Variants in NDFIP2 observed in about 807,000 individuals in gnomAD.
NDFIP2 encodes the protein NEDD4 family-interacting protein 2.
A neutral mutation model predicts 36.0 loss-of-function variants in NDFIP2; 19 were observed. The ratio of observed to expected loss-of-function variants is 0.53; its 90% CI spans 0.37 to 0.77. The LOEUF is 0.77. NDFIP2 is among the 30% of genes least tolerant of loss of function. The probability of loss-of-function intolerance (pLI) is 0.00; values close to 1 mark genes in which losing one functional copy is unlikely to be tolerated. For synonymous variants in NDFIP2, 181 were observed against 167.7 expected, an observed-to-expected ratio of 1.08 and a Z score of -0.61; for missense variants, 446 against 435.8, an observed-to-expected ratio of 1.02 and a Z score of -0.21.
Position 79,533,788 on chromosome 13 carries a change from AGGCTT to A in NDFIP2, c.621+333_621+337del, listed in dbSNP as rs1451228742. On this transcript the variant is annotated intron_variant, in intron 3 of 7. Transcript: ENST00000218652. ...TTATCGACTGTTTATGTTATCAGTA[AGGCTT>A]CTAGTTAACAATAGGCTGTGAGTCG... Among the ~76,000 whole-genome samples, 27 of 152,274 alleles carry A rather than the reference AGGCTT, an allele frequency of 1.8e-4. No homozygotes were observed. In the South Asian group the frequency reaches 5.6e-3, roughly 32 times the overall value.
chr13:79,550,498 C>T (rs894782779), intron 6 of NDFIP2, among the ~76,000 whole-genome samples: 1 of 151,540 alleles, frequency 6.6e-6, no homozygotes, highest in Non-Finnish European at 1.5e-5. Context: ...ACATAATGCA[C>T]GTATCTTCAA....
chr13:79,533,350 C>G lies in NDFIP2; in HGVS notation c.515C>G (p.Pro172Arg). The stretch of plus-strand genomic sequence containing the variant: ...ACAGAAGTTTACGGTGAGTTTTATC[C>G]CGTGCCACCTCCCTATAGCGTTGCT... ...SDTEVYGEFYPVPPPYSVATS... is the reference protein window; with the variant it reads ...SDTEVYGEFYRVPPPYSVATS... Residue 172 changes from proline (P) to arginine (R), a missense_variant, in exon 3 of 8, where the codon CCC becomes CGC. Physicochemically the swap from Pro to Arg is moderately radical, Grantham distance 103 (BLOSUM62 -2). Around this residue, in one of 2 missense-constraint regions of NDFIP2, gnomAD observed 369 missense variants for 304.8 expected, o/e 1.21. Coordinates refer to ENST00000218652, the MANE Select transcript of NDFIP2 (RefSeq NM_019080.3). 6.2e-7 allele frequency: 1 copy of G among 1,605,558 alleles called. No individual in the cohort carries two copies. The highest frequency in any genetic ancestry group is 8.5e-7 in the Non-Finnish European group (1 of 1,175,672).
chr13:79,536,143 T>C (rs1175335534), intron 3 of NDFIP2, among the ~76,000 whole-genome samples: 3 of 152,230 alleles, frequency 2.0e-5, no homozygotes, highest in Non-Finnish European at 4.4e-5. Context: ...TGACAACTCA[T>C]TGTTAATATT....
chr13:79,550,300 G>T (rs1875854322), intron 6 of NDFIP2, among the ~76,000 whole-genome samples: 1 of 151,682 alleles, frequency 6.6e-6, no homozygotes, highest in Non-Finnish European at 1.5e-5. Context: ...AAATATATTT[G>T]TGGTTGTTAT....
At chr13:79,528,517 G>A (rs1366763784) in intron 2 of NDFIP2, among the ~76,000 whole-genome samples, 1 of 152,178 alleles carries the variant, frequency 6.6e-6, no homozygotes, top group Admixed American at 6.5e-5. Context: ...GTAGTGTACA[G>A]TAATGTCCTA....
At chr13:79,509,684 T>TAG (rs1221392541) in intron 1 of NDFIP2, among the ~76,000 whole-genome samples, 12 of 73,932 alleles carry the variant, frequency 1.6e-4, no homozygotes, top group Admixed American at 4.8e-4. Context: ...TCGATATATA[T>TAG]ATATATAGAG....
chr13:79,526,357 G>A (rs2137092825), intron 2 of NDFIP2, among the ~76,000 whole-genome samples: 2 of 152,284 alleles, frequency 1.3e-5, no homozygotes, highest in Admixed American at 1.3e-4. Flanking sequence ...CATCAAATAA[G>A]CCTGAAATTC....
At chr13:79,527,148 A>T (rs1429115380) in intron 2 of NDFIP2, among the ~76,000 whole-genome samples, 2 of 152,240 alleles carry the variant, frequency 1.3e-5, no homozygotes, top group Non-Finnish European at 2.9e-5. Flanking sequence ...AAGCAAAGAC[A>T]GCAAGTGACT....
At chr13:79,502,278 T>C (rs1873695932) in intron 1 of NDFIP2, among the ~76,000 whole-genome samples, 1 of 152,166 alleles carries the variant, frequency 6.6e-6, no homozygotes, top group African/African-American at 2.4e-5. Flanking sequence ...CTTCTAAAAA[T>C]ATGTGAAATT....
chr13:79,529,461 T>TAA (rs1874927074), intron 2 of NDFIP2, among the ~76,000 whole-genome samples: 2 of 152,206 alleles, frequency 1.3e-5, no homozygotes, highest in Non-Finnish European at 2.9e-5. Flanking sequence ...GTTTTAATGT[T>TAA]ACTGCCTTAA....
intron 2 of NDFIP2, among the ~76,000 whole-genome samples, chr13:79,522,998 A>G (rs182348946): frequency 7.3e-4 from 111 of 152,304 alleles, no homozygotes; most frequent in Non-Finnish European, 1.2e-3. Context: ...CCTTCCCCGT[A>G]GCACCAAACC....
intron 4 of NDFIP2, among the ~76,000 whole-genome samples, chr13:79,542,791 A>G (rs1410304464): frequency 6.6e-6 from 1 of 152,174 alleles, no homozygotes; most frequent in Non-Finnish European, 1.5e-5. Context: ...AAATTCAGAA[A>G]AGGAACATCT....
At chr13:79,489,560 C>T (rs964809095) in intron 1 of NDFIP2, among the ~76,000 whole-genome samples, 1 of 152,174 alleles carries the variant, frequency 6.6e-6, no homozygotes, top group African/African-American at 2.4e-5. Context: ...GATGATGTGC[C>T]ACACCAGTCA....
rs1876012255 is a variant in NDFIP2 at position 79,554,079 on chromosome 13, G to A, written c.*1566G>A. On this transcript the variant is annotated 3_prime_UTR_variant, in exon 8 of 8. Coordinates refer to ENST00000218652, the MANE Select transcript of NDFIP2 (RefSeq NM_019080.3). ...TGTCTTTGATAAATAAAACAGTTTT[G>A]TTTTGCTAATATAGCCTATTTTTTG... 6.6e-6 allele frequency: 1 copy of A among 151,084 alleles called. No homozygotes were observed. The highest frequency in any genetic ancestry group is 2.1e-4 in the South Asian group (1 of 4,812). 9.4% of individuals were successfully genotyped at this position (151,084 alleles called of 1,614,324 possible). A position where few individuals can be genotyped will look rare whatever the true frequency, so the allele number is the denominator to read the frequency against.
intron 1 of NDFIP2, 32 bp downstream of exon 1, chr13:79,481,556 C>T: frequency 6.6e-7 from 1 of 1,520,284 alleles, no homozygotes; most frequent in Non-Finnish European, 8.8e-7. Context: ...CCTCCCGGGA[C>T]TGCCTCCCGC....
chr13:79,527,322 A>G (rs151294821), intron 2 of NDFIP2, among the ~76,000 whole-genome samples: 96 of 152,368 alleles, frequency 6.3e-4, no homozygotes, highest in Admixed American at 1.2e-3. Flanking sequence ...TTTAAAAAGT[A>G]GAATATAAAA....
In NDFIP2 at chr13:79,529,552, T is replaced by C. The variant is rs1874930439; in HGVS notation, c.488-3771T>C. On this transcript the variant is annotated intron_variant, in intron 2 of 7. Coordinates refer to ENST00000218652, the MANE Select transcript of NDFIP2 (RefSeq NM_019080.3). Reference sequence around the variant, plus strand: ...AAATCTGTTTACTTGACCACTTACGTTTTTACATCCTGATAATAAATCTTT... The same window carrying C: ...AAATCTGTTTACTTGACCACTTACGCTTTTACATCCTGATAATAAATCTTT... 2.6e-5 allele frequency among the ~76,000 whole-genome samples: 4 copies of C among 152,308 alleles called. No individual in the cohort carries two copies. The South Asian group carries it at 8.3e-4, about 32-fold the overall frequency.
intron 1 of NDFIP2, among the ~76,000 whole-genome samples, chr13:79,491,699 T>C (rs1873230737): frequency 6.6e-6 from 1 of 152,216 alleles, no homozygotes; most frequent in African/African-American, 2.4e-5. Context: ...CTGACTTGAG[T>C]TTAATTAACT....
chr13:79,521,362 TA>T (rs1489925508), intron 2 of NDFIP2, among the ~76,000 whole-genome samples: 7 of 152,202 alleles, frequency 4.6e-5, no homozygotes, highest in Non-Finnish European at 1.0e-4. Flanking sequence ...TTTTTCTGGC[TA>T]CAATTTTTAT....
Sources: allele counts gnomAD v4.1 joint callset (sites outside exome capture counted in the v4.1 genomes callset), GRCh38; gene constraint gnomAD v4.1.1; regional missense constraint gnomAD v4.1.1; transcripts MANE v1.5; gene names NCBI Gene and HGNC (gene_info 2026-07-23, HGNC 2026-07-21).